ATP6V0E1: variants seen among roughly 807,000 people sequenced by gnomAD.
ATP6V0E1 encodes V-type proton ATPase subunit e 1.
ATP6V0E1 carries 4 observed loss-of-function variants against 11.6 expected under a neutral mutation model. That is an observed-to-expected ratio of 0.35 (90% CI 0.17 to 0.79). The LOEUF is 0.79. Among genes scored for constraint, ATP6V0E1 ranks in the 30% least tolerant of loss-of-function variants. The pLI, the probability that ATP6V0E1 is intolerant of heterozygous loss-of-function variation, is 0.54. For missense variants in ATP6V0E1, 105 were observed against 100.0 expected, an observed-to-expected ratio of 1.05 and a Z score of -0.21; for synonymous variants, 36 against 34.8, an observed-to-expected ratio of 1.04 and a Z score of -0.13.
At chr5:173,008,022 T>C (rs1756255249) in intron 2 of ATP6V0E1, among the ~76,000 whole-genome samples, 1 of 152,222 alleles carries the variant, frequency 6.6e-6, no homozygotes, top group African/African-American at 2.4e-5. Flanking sequence ...CGTTCTGGCC[T>C]CGAGCCATAG....
intron 2 of ATP6V0E1, among the ~76,000 whole-genome samples, chr5:173,006,399 A>G (rs1756230754): frequency 6.6e-6 from 1 of 151,688 alleles, no homozygotes; most frequent in Non-Finnish European, 1.5e-5. Flanking sequence ...TCATGAGGTC[A>G]GGAGATCGAG....
At chr5:173,025,034 G>A (rs1756535324) in intron 3 of ATP6V0E1, among the ~76,000 whole-genome samples, 3 of 150,770 alleles carry the variant, frequency 2.0e-5, no homozygotes, top group African/African-American at 7.3e-5. Context: ...GTAGAGACGG[G>A]GTTTCACCAT....
intron 1 of ATP6V0E1, among the ~76,000 whole-genome samples, chr5:172,989,640 C>T (rs535341974): frequency 6.6e-6 from 1 of 151,858 alleles, no homozygotes; most frequent in South Asian, 2.1e-4. Flanking sequence ...AATTCTCCTG[C>T]CTCAGCCTTC....
In ATP6V0E1 at chr5:172,994,820, C is replaced by T; in HGVS notation, c.150C>T (p.Leu50=). ...MLVTCSVCCY[L]FWLIAILAQL... is the part of the protein sequence containing the mutation. ...TGACCTGTTCAGTTTGCTGCTATCT[C>T]TTGTAAGTAATTTTTTCTTAAGTAA... The change falls in exon 2 of 4, where the codon CTC becomes CTT. Residue 50 remains leucine, a splice_region_variant and synonymous_variant. Transcript: ENST00000519374. The T allele has an allele frequency of 1.3e-6, 2 of 1,591,698 alleles. No individual in the cohort carries two copies. Among genetic ancestry groups the T allele is most frequent in the Non-Finnish European group, 1.7e-6 (2 of 1,169,760 alleles).
intron 2 of ATP6V0E1, among the ~76,000 whole-genome samples, chr5:173,019,476 C>T (rs1756449152): frequency 6.6e-6 from 1 of 151,792 alleles, no homozygotes; most frequent in South Asian, 2.1e-4. Context: ...AATGGGTGAA[C>T]TCGGGAGGCG....
chr5:172,987,713 T>C (rs977791601), intron 1 of ATP6V0E1, among the ~76,000 whole-genome samples: 1 of 150,090 alleles, frequency 6.7e-6, no homozygotes, highest in Non-Finnish European at 1.5e-5. Context: ...TGTACAGCTA[T>C]ATAATTTTTT....
chr5:172,990,177 A>G (rs1171710938), intron 1 of ATP6V0E1, among the ~76,000 whole-genome samples: 1 of 152,098 alleles, frequency 6.6e-6, no homozygotes, highest in Non-Finnish European at 1.5e-5. Flanking sequence ...AAAAAAAAAA[A>G]TAGCCTACGA....
rs145728103 is a variant in ATP6V0E1, at chr5:172,985,900, A to C, written c.104+1936A>C. Among the ~76,000 whole-genome samples, 566 of 152,364 alleles carry C rather than the reference A, an allele frequency of 3.7e-3. 8 individuals are homozygous for C. The highest frequency in any genetic ancestry group is 0.013 in the African/African-American group (525 of 41,580). ...TTTACTTAAACAGATGGTACAGCCT[A>C]CTACACACCTAGGCTATTTGGTAGA... On this transcript the variant is annotated intron_variant, in intron 1 of 3. Coordinates refer to ENST00000519374, the MANE Select transcript of ATP6V0E1 (RefSeq NM_003945.4).
chr5:173,012,809 A>G (rs1040294529), intron 2 of ATP6V0E1, among the ~76,000 whole-genome samples: 1 of 152,116 alleles, frequency 6.6e-6, no homozygotes, highest in African/African-American at 2.4e-5. Flanking sequence ...TAAAACAGCT[A>G]GAAGCAAACA....
intron 3 of ATP6V0E1, among the ~76,000 whole-genome samples, chr5:173,031,190 C>T (rs561481060): frequency 4.6e-5 from 7 of 151,842 alleles, no homozygotes; most frequent in East Asian, 3.9e-4. Context: ...ATGATCTGCC[C>T]GCCTCGGCTT....
chr5:173,019,758 G>C lies in ATP6V0E1; in HGVS notation c.153-480G>C, dbSNP rs147691949. 6.9e-4 allele frequency among the ~76,000 whole-genome samples: 105 copies of C among 152,244 alleles called. No individual in the cohort carries two copies. The East Asian group carries it at 0.01, about 15-fold the overall frequency. Reference sequence around the variant, plus strand: ...AGAAAAGGGGACCTTACATGTTATAGTCTAATAGGAAGATGATAAGCTACA... The same window carrying C: ...AGAAAAGGGGACCTTACATGTTATACTCTAATAGGAAGATGATAAGCTACA... On this transcript the variant is annotated intron_variant, in intron 2 of 3. Coordinates refer to ENST00000519374, the MANE Select transcript of ATP6V0E1 (RefSeq NM_003945.4).
intron 2 of ATP6V0E1, among the ~76,000 whole-genome samples, chr5:173,001,876 G>T (rs1224551458): frequency 1.3e-5 from 2 of 152,002 alleles, no homozygotes; most frequent in African/African-American, 2.4e-5. Flanking sequence ...GTGCCACCAC[G>T]CCTGGCTTAT....
chr5:173,003,576 C>T (rs1756189314), intron 2 of ATP6V0E1, among the ~76,000 whole-genome samples: 1 of 152,144 alleles, frequency 6.6e-6, no homozygotes. Context: ...GAAGTGACTG[C>T]ATGCATGCCA....
At chr5:173,008,287 TTTTTC>T (rs1262282903) in intron 2 of ATP6V0E1, among the ~76,000 whole-genome samples, 69 of 151,618 alleles carry the variant, frequency 4.6e-4, no homozygotes, top group African/African-American at 1.5e-3. Flanking sequence ...TGTTCCTTTT[TTTTTC>T]TTTTCTTTTC....
Position 173,008,949 on chromosome 5 carries a change from G to A in ATP6V0E1, c.153-11289G>A, listed in dbSNP as rs1025231104. Among the ~76,000 whole-genome samples, 3 of 150,016 alleles carry A rather than the reference G, an allele frequency of 2.0e-5. No individual in the cohort carries two copies. In the South Asian group the frequency reaches 6.3e-4, roughly 32 times the overall value. On this transcript the variant is annotated intron_variant, in intron 2 of 3. Coordinates refer to ENST00000519374, the MANE Select transcript of ATP6V0E1 (RefSeq NM_003945.4). Reference sequence around the variant, plus strand: ...AAAAAAAAAAACTCAACTGAGGGCTGGGTGGGTGACTCATGCGTGTAATCC... The same window carrying A: ...AAAAAAAAAAACTCAACTGAGGGCTAGGTGGGTGACTCATGCGTGTAATCC...
At position 173,017,309 on chromosome 5, in the gene ATP6V0E1, G is replaced by A. The variant is rs532360760; in HGVS notation, c.153-2929G>A. Among the ~76,000 whole-genome samples, 411 of 152,138 alleles carry A rather than the reference G, an allele frequency of 2.7e-3. 5 individuals are homozygous for A. Among genetic ancestry groups the A allele is most frequent in the African/African-American group, 9.2e-3 (381 of 41,514 alleles). ...AGCACTTTGGGAGGCCGAGGTGGGC[G>A]GATCACGTGAGATCAGGAGTGCGAG... On this transcript the variant is annotated intron_variant, in intron 2 of 3. Coordinates refer to ENST00000519374, the MANE Select transcript of ATP6V0E1 (RefSeq NM_003945.4).
chr5:172,995,326 T>G (rs1452771118), intron 2 of ATP6V0E1, among the ~76,000 whole-genome samples: 1 of 152,234 alleles, frequency 6.6e-6, no homozygotes, highest in Non-Finnish European at 1.5e-5. Flanking sequence ...GGTCTCAAAC[T>G]CCTGACCTCA....
chr5:173,033,355 G>A (rs1756694715), intron 3 of ATP6V0E1, among the ~76,000 whole-genome samples: 1 of 151,608 alleles, frequency 6.6e-6, no homozygotes, highest in Non-Finnish European at 1.5e-5. Context: ...GAGCCACCAC[G>A]CCTGGCCTAA....
chr5:172,993,444 T>C (rs1038760485), intron 1 of ATP6V0E1, among the ~76,000 whole-genome samples: 1 of 152,044 alleles, frequency 6.6e-6, no homozygotes, highest in African/African-American at 2.4e-5. Flanking sequence ...AGGCGGAGTT[T>C]GCAATGAGCC....
Sources: gnomAD v4.1 joint callset for allele counts (sites outside exome capture counted in the v4.1 genomes callset) on GRCh38, gnomAD v4.1.1 for gene constraint, MANE v1.5 for transcripts, NCBI Gene and HGNC (gene_info 2026-07-23, HGNC 2026-07-21) for gene names.